The following RANBP2 variants were observed in gnomAD, a reference collection of about 807,000 sequenced individuals.
The protein encoded by RANBP2 is E3 SUMO-protein ligase RanBP2.
RANBP2 carries 57 observed loss-of-function variants against 303.6 expected under a neutral mutation model. The observed-to-expected ratio is 0.19, with a 90% CI of 0.15 to 0.23. RANBP2 has a LOEUF of 0.23. Ranked by LOEUF, RANBP2 falls within the 10% of genes least tolerant of loss-of-function variation. The probability of loss-of-function intolerance (pLI) is 1.00; values close to 1 mark genes in which losing one functional copy is unlikely to be tolerated. For missense variants in RANBP2, 3,138 were observed against 3,780.8 expected (o/e 0.83, Z 4.46); for synonymous variants, 1,167 against 1,301.5 (o/e 0.90, Z 2.23).
chr2:109,056,857 G>A, the RANBP2 span, among the ~76,000 whole-genome samples: 1 of 152,176 alleles, frequency 6.6e-6, no homozygotes, highest in African/African-American at 2.4e-5. Flanking sequence ...GTTGTACATG[G>A]TCCTCCCAAG....
At chr2:108,843,383 C>G in the RANBP2 span, among the ~76,000 whole-genome samples, 1 of 152,126 alleles carries the variant, frequency 6.6e-6, no homozygotes, top group Admixed American at 6.5e-5. Context: ...GTCTCGAACT[C>G]CTGACCTCAA....
the RANBP2 span, among the ~76,000 whole-genome samples, chr2:109,358,964 G>A: frequency 6.6e-6 from 1 of 152,060 alleles, no homozygotes; most frequent in African/African-American, 2.4e-5. Context: ...TTTTGTGAGG[G>A]GTGGAATGTT....
chr2:109,778,472 A>G, the RANBP2 span, among the ~76,000 whole-genome samples: 5,385 of 149,846 alleles, frequency 0.036, 411 homozygotes, highest in East Asian at 0.16. Context: ...TCTTGTTAAG[A>G]AGGTTTAGTA....
the RANBP2 span, among the ~76,000 whole-genome samples, chr2:109,418,963 C>T: frequency 2.0e-5 from 3 of 152,124 alleles, no homozygotes; most frequent in Non-Finnish European, 2.9e-5. Context: ...GAGAGCACAG[C>T]GCACCCCTGA....
the RANBP2 span, among the ~76,000 whole-genome samples, chr2:109,298,375 G>A: frequency 6.6e-6 from 1 of 152,150 alleles, no homozygotes; most frequent in Non-Finnish European, 1.5e-5. Flanking sequence ...TTCTGCTGGG[G>A]TAGAAGCACC....
chr2:109,242,758 C>G, the RANBP2 span, among the ~76,000 whole-genome samples: 1 of 152,140 alleles, frequency 6.6e-6, no homozygotes, highest in Non-Finnish European at 1.5e-5. Context: ...GATCTTCTTT[C>G]CCCAGTGACG....
the RANBP2 span, among the ~76,000 whole-genome samples, chr2:109,549,348 A>T: frequency 2.0e-5 from 3 of 152,356 alleles, no homozygotes; most frequent in East Asian, 5.8e-4. Flanking sequence ...GTCACACAGC[A>T]CTTTATACAT....
At chr2:109,683,884 C>A in the RANBP2 span, among the ~76,000 whole-genome samples, 1 of 152,128 alleles carries the variant, frequency 6.6e-6, no homozygotes, top group African/African-American at 2.4e-5. Flanking sequence ...TCATATTTTT[C>A]TTTCATCTGG....
At chr2:109,428,904 G>C in the RANBP2 span, among the ~76,000 whole-genome samples, 393 of 152,214 alleles carry the variant, frequency 2.6e-3, no homozygotes, top group African/African-American at 8.6e-3. Flanking sequence ...GGTGCTGCCC[G>C]GTTCTCCCTG....
the RANBP2 span, among the ~76,000 whole-genome samples, chr2:109,195,226 CTAGGA>C: frequency 6.6e-6 from 1 of 152,114 alleles, no homozygotes; most frequent in African/African-American, 2.4e-5. Flanking sequence ...AGGACTAGGA[CTAGGA>C]CTGCCTACAC....
the RANBP2 span, among the ~76,000 whole-genome samples, chr2:109,149,851 C>A: frequency 6.6e-6 from 1 of 152,108 alleles, no homozygotes; most frequent in Non-Finnish European, 1.5e-5. Context: ...GATTAAAATA[C>A]CAGGGGGTTC....
the RANBP2 span, among the ~76,000 whole-genome samples, chr2:109,033,199 C>T: frequency 1.2e-4 from 18 of 152,160 alleles, no homozygotes; most frequent in Non-Finnish European, 2.5e-4. Flanking sequence ...TGTTGATGGG[C>T]CCTGTCCACT....
the RANBP2 span, among the ~76,000 whole-genome samples, chr2:109,622,723 C>T: frequency 6.6e-6 from 1 of 152,236 alleles, no homozygotes; most frequent in East Asian, 1.9e-4. Flanking sequence ...GCTTAGCCCA[C>T]TTCCACATAA....
chr2:109,273,912 A>G, the RANBP2 span, among the ~76,000 whole-genome samples: 1 of 152,196 alleles, frequency 6.6e-6, no homozygotes, highest in Non-Finnish European at 1.5e-5. Context: ...CTGGTGTGGT[A>G]GGACTGGGTT....
the RANBP2 span, among the ~76,000 whole-genome samples, chr2:109,675,012 G>A: frequency 6.6e-6 from 1 of 152,058 alleles, no homozygotes; most frequent in African/African-American, 2.4e-5. Context: ...CTCTGTCACC[G>A]AGGCTGGAGT....
At chr2:109,069,224 AG>A in the RANBP2 span, among the ~76,000 whole-genome samples, 287 of 152,382 alleles carry the variant, frequency 1.9e-3, 1 homozygote, top group African/African-American at 6.4e-3. Context: ...GATCATAAAA[AG>A]GGGGGCTTAT....
the RANBP2 span, among the ~76,000 whole-genome samples, chr2:109,558,837 TACA>T: frequency 6.6e-6 from 1 of 152,054 alleles, no homozygotes; most frequent in Non-Finnish European, 1.5e-5. Flanking sequence ...CCAACCAAAT[TACA>T]ACAACTACCA....
rs377513911 is a variant in RANBP2, at chr2:108,764,974, A to G, written c.4435A>G (p.Lys1479Glu). ...TGATTTCAGATCTGTTTTTTCTACA[A>G]AGGAAGGACAGTGGGATTGCAGTGC... ...NSDFRSVFSTKEGQWDCSACL... is the reference protein window; with the variant it reads ...NSDFRSVFSTEEGQWDCSACL... Residue 1479 changes from lysine to glutamate, a missense_variant, in exon 20 of 29, where the codon AAG becomes GAG. Transcript: ENST00000283195. 6.8e-6 allele frequency: 11 copies of G among 1,614,046 alleles called. No homozygotes were observed. Among genetic ancestry groups the G allele is most frequent in the Admixed American group, 1.7e-5 (1 of 60,004 alleles).
the RANBP2 span, among the ~76,000 whole-genome samples, chr2:109,404,009 C>T: frequency 1.3e-5 from 2 of 152,124 alleles, no homozygotes; most frequent in African/African-American, 4.8e-5. Context: ...AATGAATCAC[C>T]AGTCCAAGAC....
Sources: allele counts gnomAD v4.1 joint callset (sites outside exome capture counted in the v4.1 genomes callset), GRCh38; gene constraint gnomAD v4.1.1; transcripts MANE v1.5; gene names NCBI Gene and HGNC (gene_info 2026-07-23, HGNC 2026-07-21).